The following RAD51AP1 variants were observed in gnomAD, a reference collection of about 807,000 sequenced individuals.
The protein encoded by RAD51AP1 is RAD51 associated protein 1.
A neutral mutation model predicts 34.3 loss-of-function variants in RAD51AP1; 14 were observed. The ratio of observed to expected loss-of-function variants is 0.41; its 90% CI spans 0.27 to 0.64. The LOEUF (loss-of-function observed/expected upper bound fraction) is 0.64. Among genes scored for constraint, RAD51AP1 ranks in the 30% least tolerant of loss-of-function variants. The pLI is 0.33. For missense variants in RAD51AP1, 348 were observed against 386.9 expected, an observed-to-expected ratio of 0.90 and a Z score of 0.84; for synonymous variants, 114 against 129.8, an observed-to-expected ratio of 0.88 and a Z score of 0.83.
intron 6 of RAD51AP1, among the ~76,000 whole-genome samples, chr12:4,551,584 A>G (rs981012396): frequency 6.6e-6 from 1 of 152,116 alleles, no homozygotes; most frequent in Admixed American, 6.6e-5. Context: ...CTACAGGACA[A>G]TTGACTCAAC....
chr12:4,552,961 A>G, intron 6 of RAD51AP1, 22 bp from the exon 7 acceptor site: 1 of 1,538,408 alleles, frequency 6.5e-7, no homozygotes, highest in Non-Finnish European at 8.7e-7. Flanking sequence ...GCAAAGATGA[A>G]CTATATAATC....
chr12:4,539,197 T>C (rs1370066784), intron 1 of RAD51AP1, among the ~76,000 whole-genome samples: 1 of 152,208 alleles, frequency 6.6e-6, no homozygotes, highest in Non-Finnish European at 1.5e-5. Flanking sequence ...AAGACCTTGT[T>C]AGCGTTTGAA....
Position 4,546,463 on chromosome 12 carries a change from C to T in RAD51AP1, c.319+45C>T, listed in dbSNP as rs373472217. The T allele has an allele frequency of 2.2e-5, 30 of 1,388,636 alleles. No individual in the cohort carries two copies. The African/African-American group carries it at 3.6e-4, about 17-fold the overall frequency. The allele number at this position is 1,388,636 out of a possible 1,614,324, so 86.0% of individuals were successfully genotyped here. A position where few individuals can be genotyped will look rare whatever the true frequency, so the allele number is the denominator to read the frequency against. On this transcript the variant is annotated intron_variant, in intron 4 of 8. Transcript: ENST00000352618. ...ATTTAGCTTTAAAACCTTCTTAATG[C>T]TTTTGTGATTATTTGTTTGGGTGGG...
intron 8 of RAD51AP1, 69 bp downstream of exon 8, chr12:4,556,571 C>T (rs779885571): frequency 7.8e-6 from 12 of 1,546,534 alleles, no homozygotes; most frequent in Non-Finnish European, 8.9e-6. Context: ...TTCCTAGTTA[C>T]AAACATCATG....
chr12:4,543,182 C>T (rs921686165), intron 2 of RAD51AP1, among the ~76,000 whole-genome samples: 2 of 152,116 alleles, frequency 1.3e-5, no homozygotes, highest in Non-Finnish European at 2.9e-5. Context: ...CACCTCACCT[C>T]CTGAGTAGCT....
chr12:4,551,340 C>G (rs751143525), intron 6 of RAD51AP1, among the ~76,000 whole-genome samples: 24 of 151,674 alleles, frequency 1.6e-4, no homozygotes, highest in Non-Finnish European at 3.1e-4. Context: ...TACTAAAACA[C>G]AAAAATTAGC....
At position 4,546,399 on chromosome 12, in the gene RAD51AP1, G is replaced by T. The variant is rs1944506462; in HGVS notation, c.300G>T (p.Val100=). 6.2e-7 allele frequency: 1 copy of T among 1,608,212 alleles called. No homozygotes were observed. The highest frequency in any genetic ancestry group is 1.1e-5 in the South Asian group (1 of 90,518). Residue 100 remains valine, a synonymous_variant, in exon 4 of 9, where the codon GTG becomes GTT. Transcript: ENST00000352618. ...VKELPTVTTN[V]QNSQDKSIEK... ...AACTTCCAACAGTCACCACTAATGT[G>T]CAGAACTCTCAAGATAAAAGTAACT...
intron 6 of RAD51AP1, among the ~76,000 whole-genome samples, chr12:4,551,259 G>A (rs1166154170): frequency 6.6e-6 from 1 of 152,076 alleles, no homozygotes; most frequent in Non-Finnish European, 1.5e-5. Flanking sequence ...ACTTTGGGAG[G>A]CTGAGGTGGG....
Position 4,543,781 on chromosome 12 carries a change from C to T in RAD51AP1, c.86C>T (p.Thr29Ile), listed in dbSNP as rs755382916. 3 of 1,598,422 alleles carry T rather than the reference C, an allele frequency of 1.9e-6. No homozygotes were observed. Among genetic ancestry groups the T allele is most frequent in the African/African-American group, 1.3e-5 (1 of 74,132 alleles). Residue 29 changes from threonine to isoleucine, a missense_variant, in exon 3 of 9, where the codon ACT becomes ATT. Physicochemically the swap from Thr to Ile is moderately conservative, Grantham distance 89. Transcript: ENST00000352618. ...TGAATAGATGATTTTGTTTCTGCAA[C>T]TGTACCTTTAAACAAGAAATCCAGA... ...SDSDDDFVSA[T>I]VPLNKKSRTA...
At position 4,549,862 on chromosome 12, in the gene RAD51AP1, G is replaced by A. The variant is rs368844553; in HGVS notation, c.556+1026G>A. ...GATCTAGCAATCCACTTCTGAGTAT[G>A]TATCCAAAACGATTGAAAGCAGGAT... On this transcript the variant is annotated intron_variant, in intron 6 of 8. Transcript: ENST00000352618. Among the ~76,000 whole-genome samples, 7 of 152,310 alleles carry A rather than the reference G, an allele frequency of 4.6e-5. No homozygotes were observed. In the East Asian group the frequency reaches 1.2e-3, roughly 25 times the overall value.
At chr12:4,557,368 C>A (rs941122004) in intron 8 of RAD51AP1, among the ~76,000 whole-genome samples, 1 of 152,076 alleles carries the variant, frequency 6.6e-6, no homozygotes, top group Middle Eastern at 3.2e-3. Context: ...TAGATTTAGG[C>A]GTGAGCTGTG....
intron 6 of RAD51AP1, among the ~76,000 whole-genome samples, chr12:4,552,452 G>A (rs1160520111): frequency 3.3e-5 from 5 of 152,166 alleles, no homozygotes; most frequent in Non-Finnish European, 7.4e-5. Flanking sequence ...TGTTGTGTAT[G>A]GTTATCTCAA....
At chr12:4,543,073 T>C (rs1036810015) in intron 2 of RAD51AP1, among the ~76,000 whole-genome samples, 2 of 152,196 alleles carry the variant, frequency 1.3e-5, no homozygotes, top group African/African-American at 4.8e-5. Context: ...TTTTTCTCTT[T>C]TTTTTGAGAC....
At chr12:4,542,242 G>T (rs1344814822) in intron 2 of RAD51AP1, among the ~76,000 whole-genome samples, 3 of 152,076 alleles carry the variant, frequency 2.0e-5, no homozygotes, top group African/African-American at 7.2e-5. Context: ...CTGTCTTTTT[G>T]AGATACAAAG....
intron 3 of RAD51AP1, among the ~76,000 whole-genome samples, 166 bp downstream of exon 3, chr12:4,544,070 CT>C (rs1944488694): frequency 6.6e-6 from 1 of 152,070 alleles, no homozygotes; most frequent in Non-Finnish European, 1.5e-5. Flanking sequence ...GGCTTTCTGA[CT>C]TAAAGAAATT....
chr12:4,543,958 G>A, intron 3 of RAD51AP1, 54 bp downstream of exon 3: 1 of 1,425,730 alleles, frequency 7.0e-7, no homozygotes, highest in Non-Finnish European at 9.5e-7. Flanking sequence ...TAATTTTAAA[G>A]AGACACAGAT....
intron 4 of RAD51AP1, among the ~76,000 whole-genome samples, chr12:4,547,482 ATC>A (rs1197419030): frequency 2.0e-5 from 3 of 152,236 alleles, no homozygotes; most frequent in African/African-American, 4.8e-5. Flanking sequence ...ACTGAAATTC[ATC>A]TCTCTCTTTT....
At position 4,552,825 on chromosome 12, in the gene RAD51AP1, C is replaced by T. The variant is rs74059628; in HGVS notation, c.557-158C>T. Among the ~76,000 whole-genome samples the T allele has an allele frequency of 4.8e-3, 728 of 152,292 alleles. 9 individuals are homozygous for T. Among genetic ancestry groups the T allele is most frequent in the African/African-American group, 0.017 (697 of 41,574 alleles). On this transcript the variant is annotated intron_variant, in intron 6 of 8. Coordinates refer to ENST00000352618, the MANE Select transcript of RAD51AP1 (RefSeq NM_006479.5). ...GAAGTTAGTGACCTGTCTGAGGATG[C>T]AAACCCAGGCACCCACAATGGCAAC...
Position 4,541,507 on chromosome 12 carries a change from A to G in RAD51AP1, c.18-377A>G, listed in dbSNP as rs572089103. On this transcript the variant is annotated intron_variant, in intron 1 of 8. Coordinates refer to ENST00000352618, the MANE Select transcript of RAD51AP1 (RefSeq NM_006479.5). ...CTTACAAATGCCCAACAGCAATTAA[A>G]CAGTATAGCAATTATAAATGTTAAT... Among the ~76,000 whole-genome samples, 30 of 152,302 alleles carry G rather than the reference A, an allele frequency of 2.0e-4. No individual in the cohort carries two copies. In the South Asian group the frequency reaches 5.2e-3, roughly 26 times the overall value.
Sources: gnomAD v4.1 joint callset for allele counts (sites outside exome capture counted in the v4.1 genomes callset) on GRCh38, gnomAD v4.1.1 for gene constraint, MANE v1.5 for transcripts, NCBI Gene and HGNC (gene_info 2026-07-23, HGNC 2026-07-21) for gene names.